AKAP10: variants seen among roughly 807,000 people sequenced by gnomAD.
AKAP10 encodes the protein A-kinase anchoring protein 10.
In AKAP10, 24 loss-of-function variants were observed where a neutral mutation model predicts 80.8. The ratio of observed to expected loss-of-function variants is 0.30; its 90% CI spans 0.22 to 0.42. AKAP10 has a LOEUF of 0.42. AKAP10 is among the 10% of genes least tolerant of loss of function. The pLI is 1.00. For missense variants in AKAP10, 661 were observed against 794.9 expected, an observed-to-expected ratio of 0.83 and a Z score of 2.03; for synonymous variants, 291 against 277.7, an observed-to-expected ratio of 1.05 and a Z score of -0.48.
At chr17:19,951,220 G>GCCCGGCCAGCCGCCCCGTCCA (rs2043207867) in intron 4 of AKAP10, among the ~76,000 whole-genome samples, 1 of 136,346 alleles carries the variant, frequency 7.3e-6, no homozygotes, top group Middle Eastern at 3.6e-3. Flanking sequence ...CGCCCCGTCC[G>GCCCGGCCAGCCGCCCCGTCCA]GGAGGGAGGT....
chr17:19,954,765 T>A (rs1433958469), intron 4 of AKAP10, among the ~76,000 whole-genome samples: 1 of 151,634 alleles, frequency 6.6e-6, no homozygotes, highest in Non-Finnish European at 1.5e-5. Context: ...AGTGCTGAGA[T>A]TACAGGCATA....
At chr17:19,966,548 T>C (rs1218103338) in intron 2 of AKAP10, among the ~76,000 whole-genome samples, 1 of 142,748 alleles carries the variant, frequency 7.0e-6, no homozygotes, top group Admixed American at 7.1e-5. Flanking sequence ...CTAACCAGAC[T>C]GCAAACATCT....
chr17:19,965,854 A>G (rs1025835743), intron 2 of AKAP10, among the ~76,000 whole-genome samples: 4 of 149,550 alleles, frequency 2.7e-5, no homozygotes, highest in African/African-American at 9.8e-5. Flanking sequence ...TTCTCTATGT[A>G]CCTTTTTTTT....
At chr17:19,959,186 T>C (rs1453122690) in intron 3 of AKAP10, among the ~76,000 whole-genome samples, 2 of 152,270 alleles carry the variant, frequency 1.3e-5, no homozygotes, top group Non-Finnish European at 2.9e-5. Flanking sequence ...AAAAAACTTA[T>C]GATACTAGTT....
chr17:19,911,835 CAAAAAAAAAAAAAAAAAAA>C lies in AKAP10; in HGVS notation c.1835-1876_1835-1858del, dbSNP rs71157844. Among the ~76,000 whole-genome samples, 28 of 54,988 alleles carry C rather than the reference CAAAAAAAAAAAAAAAAAAA, an allele frequency of 5.1e-4. 1 individual carries two copies. The highest frequency in any genetic ancestry group is 1.4e-4 in the Non-Finnish European group (4 of 28,194). 36.1% of individuals were successfully genotyped at this position (54,988 alleles called of 152,430 possible). A position where few individuals can be genotyped will look rare whatever the true frequency, so the allele number is the denominator to read the frequency against. On this transcript the variant is annotated intron_variant, in intron 12 of 14. Coordinates refer to ENST00000225737, the MANE Select transcript of AKAP10 (RefSeq NM_007202.4). Reference sequence around the variant, plus strand: ...CGGCAACAAGAGCAAAACTCTGTCACAAAAAAAAAAAAAAAAAAAAAAAAAAAAAAAAAAGAAATCTCTG... The same window carrying C: ...CGGCAACAAGAGCAAAACTCTGTCACAAAAAAAAAAAAAAAGAAATCTCTG...
Position 19,958,480 on chromosome 17 carries a change from A to G in AKAP10, c.411T>C (p.Pro137=), listed in dbSNP as rs1237441586. Reference sequence around the variant, plus strand: ...GAAGTTCCATGAATTGAATGAAGTAAGGGAGGACAATAGTGTCGTGCAAGA... The same window carrying G: ...GAAGTTCCATGAATTGAATGAAGTAGGGGAGGACAATAGTGTCGTGCAAGA... ...EQVLHDTIVL[P]YFIQFMELRR... The change falls in exon 4 of 15, where the codon CCT becomes CCC. Residue 137 remains proline, a synonymous_variant. Coordinates refer to ENST00000225737, the MANE Select transcript of AKAP10 (RefSeq NM_007202.4). 3 of 1,613,956 alleles carry G rather than the reference A, an allele frequency of 1.9e-6. No homozygotes were observed. The highest frequency in any genetic ancestry group is 1.7e-5 in the Admixed American group (1 of 60,024).
intron 12 of AKAP10, among the ~76,000 whole-genome samples, chr17:19,910,581 C>T (rs1008227850): frequency 6.6e-6 from 1 of 152,184 alleles, no homozygotes; most frequent in Non-Finnish European, 1.5e-5. Context: ...AAAGAACTAA[C>T]ATCTAGTGTT....
At chr17:19,920,450 C>T (rs2042797556) in intron 11 of AKAP10, among the ~76,000 whole-genome samples, 1 of 152,114 alleles carries the variant, frequency 6.6e-6, no homozygotes, top group Non-Finnish European at 1.5e-5. Flanking sequence ...AAAAGGTAGG[C>T]CTTGCTCTAA....
chr17:19,937,883 A>G (rs1044538852), intron 8 of AKAP10, among the ~76,000 whole-genome samples: 2 of 152,076 alleles, frequency 1.3e-5, no homozygotes, highest in Non-Finnish European at 2.9e-5. Flanking sequence ...GCTATTTATC[A>G]GAATTATCTG....
chr17:19,910,616 A>T (rs757144468), intron 12 of AKAP10, among the ~76,000 whole-genome samples: 2 of 152,050 alleles, frequency 1.3e-5, no homozygotes, highest in African/African-American at 4.8e-5. Flanking sequence ...ATTAAAAAAC[A>T]AAACAAAACC....
At chr17:19,926,504 G>A (rs369581039) in intron 10 of AKAP10, among the ~76,000 whole-genome samples, 13 of 152,068 alleles carry the variant, frequency 8.5e-5, no homozygotes, top group African/African-American at 2.9e-4. Flanking sequence ...TAAATGACAT[G>A]ATCTTATATA....
chr17:19,972,490 C>A (rs2043510534), intron 1 of AKAP10, among the ~76,000 whole-genome samples: 1 of 152,142 alleles, frequency 6.6e-6, no homozygotes, highest in Non-Finnish European at 1.5e-5. Context: ...GAATCTCACT[C>A]TGTCGCCCAG....
intron 10 of AKAP10, among the ~76,000 whole-genome samples, chr17:19,930,592 G>T (rs537614823): frequency 3.2e-4 from 48 of 151,982 alleles, no homozygotes; most frequent in African/African-American, 1.1e-3. Flanking sequence ...AGACTACCCT[G>T]GCCAACATAG....
intron 12 of AKAP10, among the ~76,000 whole-genome samples, chr17:19,919,662 T>C (rs950559327): frequency 2.0e-5 from 3 of 150,176 alleles, no homozygotes; most frequent in African/African-American, 7.4e-5. Context: ...CCGGTCTGGG[T>C]GACAGAGCAA....
chr17:19,917,277 C>A (rs542004067), intron 12 of AKAP10, among the ~76,000 whole-genome samples: 6 of 151,426 alleles, frequency 4.0e-5, no homozygotes, highest in South Asian at 2.1e-4. Flanking sequence ...GAAAAAAAAA[C>A]AAAACAAACA....
At chr17:19,964,401 T>C (rs2043390674) in intron 2 of AKAP10, among the ~76,000 whole-genome samples, 1 of 152,204 alleles carries the variant, frequency 6.6e-6, no homozygotes, top group South Asian at 2.1e-4. Context: ...ATTGCTCTCA[T>C]TCTTTTAATA....
chr17:19,963,716 GA>G (rs2043381707), intron 2 of AKAP10, among the ~76,000 whole-genome samples: 1 of 151,996 alleles, frequency 6.6e-6, no homozygotes, highest in Non-Finnish European at 1.5e-5. Flanking sequence ...CCAACATGGT[GA>G]AACCCTGTCT....
intron 9 of AKAP10, among the ~76,000 whole-genome samples, chr17:19,933,713 C>T (rs1373623158): frequency 6.6e-6 from 1 of 151,972 alleles, no homozygotes; most frequent in Non-Finnish European, 1.5e-5. Flanking sequence ...AATGATTTGA[C>T]TTCTATATGT....
chr17:19,910,621 A>AAAACC (rs1415085472), intron 12 of AKAP10, among the ~76,000 whole-genome samples: 1 of 151,828 alleles, frequency 6.6e-6, no homozygotes, highest in Non-Finnish European at 1.5e-5. Context: ...AAAACAAAAC[A>AAAACC]AAACCAAACC....
Sources: allele counts gnomAD v4.1 joint callset (sites outside exome capture counted in the v4.1 genomes callset), GRCh38; gene constraint gnomAD v4.1.1; transcripts MANE v1.5; gene names NCBI Gene and HGNC (gene_info 2026-07-23, HGNC 2026-07-21).